The following AGRN variants were observed in gnomAD, a reference collection of about 807,000 sequenced individuals.
AGRN encodes the protein agrin proteoglycan.
In AGRN, 106 loss-of-function variants were observed where a neutral mutation model predicts 211.0. The observed-to-expected ratio is 0.50, with a 90% CI of 0.43 to 0.59. The LOEUF is 0.59. AGRN is among the 20% of genes least tolerant of loss of function. The pLI, the probability that AGRN is intolerant of heterozygous loss-of-function variation, is 0.00. For missense variants in AGRN, 3,040 were observed against 2,982.6 expected, an observed-to-expected ratio of 1.02 and a Z score of -0.45; for synonymous variants, 1,525 against 1,332.5, an observed-to-expected ratio of 1.14 and a Z score of -3.15.
Position 1,046,552 on chromosome 1 carries a change from C to A in AGRN, c.3067C>A (p.Arg1023=), listed in dbSNP as rs769541558. 3.1e-6 allele frequency: 5 copies of A among 1,609,458 alleles called. No individual in the cohort carries two copies. Among genetic ancestry groups the A allele is most frequent in the Non-Finnish European group, 4.2e-6 (5 of 1,179,090 alleles). ...HSQTTPPPSS[R]PRTTASVPRT... The stretch of plus-strand genomic sequence containing the variant: ...CCAGACCACCCCTCCGCCCTCATCA[C>A]GACCTCGGACCACTGCCAGCGTCCC... Residue 1023 remains arginine (R), a synonymous_variant, in exon 18 of 36, where the codon CGA becomes AGA. Coordinates refer to ENST00000379370, the MANE Select transcript of AGRN (RefSeq NM_198576.4).
chr1:1,022,534 GT>G, intron 2 of AGRN, 72 bp downstream of exon 2: 1 of 1,516,564 alleles, frequency 6.6e-7, no homozygotes, highest in Non-Finnish European at 8.9e-7. Flanking sequence ...GGTTGCAGGG[GT>G]CGCTGTGCGG....
chr1:1,054,196 T>G lies in AGRN; in HGVS notation c.5876+219T>G, dbSNP rs568410319. The stretch of plus-strand genomic sequence containing the variant: ...AGGCATCCCGGCCCTGCCCGGAGCC[T>G]GCCGGGGGTCGCTCCAGTCTGAGCC... On this transcript the variant is annotated intron_variant, in intron 34 of 35. Transcript: ENST00000379370. Among the ~76,000 whole-genome samples the G allele has an allele frequency of 2.1e-4, 32 of 152,294 alleles. 1 individual carries two copies. The South Asian group carries it at 6.4e-3, about 31-fold the overall frequency.
At chr1:1,053,694 C>G (rs1018238323) in intron 33 of AGRN, 59 bp from the exon 34 acceptor site, 150 of 1,502,698 alleles carry the variant, frequency 1.0e-4, no homozygotes, top group Non-Finnish European at 1.7e-5. Flanking sequence ...CCTCCCGCCT[C>G]CCCCACCCTG....
At chr1:1,049,820 G>C (rs1645222725) in intron 26 of AGRN, 25 bp downstream of exon 26, 1 of 1,607,938 alleles carries the variant, frequency 6.2e-7, no homozygotes, top group African/African-American at 1.3e-5. Flanking sequence ...GGGGCGGGTG[G>C]GAGTGGGACC....
intron 1 of AGRN, among the ~76,000 whole-genome samples, 191 bp downstream of exon 1, chr1:1,020,564 C>T (rs985337049): frequency 2.0e-5 from 3 of 152,022 alleles, no homozygotes; most frequent in Non-Finnish European, 4.4e-5. Flanking sequence ...AGTTGCTGCG[C>T]CGCCGCCGTC....
In AGRN at chr1:1,048,300, G is replaced by T. The variant is rs868486470; in HGVS notation, c.4040G>T (p.Trp1347Leu). Residue 1347 changes from tryptophan (W) to leucine (L), a missense_variant, in exon 23 of 36, where the codon TGG becomes TTG. Physicochemically the swap from Trp to Leu is moderately conservative, Grantham distance 61. This residue lies in a region of AGRN where 1,537 missense variants were observed against 1,505.0 expected (regional missense o/e 1.02). Coordinates refer to ENST00000379370, the MANE Select transcript of AGRN (RefSeq NM_198576.4). This position sits in a 1 kb window ranked among gnomAD's most constrained non-coding sequence, Gnocchi z 5.9. ...TTCCACGGGGGGACCTGCCAGGACTGGGCATTGGGCGGGGGCTTCACCTGC... is the reference window on the plus strand; with the variant it reads ...TTCCACGGGGGGACCTGCCAGGACTTGGCATTGGGCGGGGGCTTCACCTGC... ...PCFHGGTCQDWALGGGFTCSC... is the reference protein window; with the variant it reads ...PCFHGGTCQDLALGGGFTCSC... The T allele has an allele frequency of 6.6e-7, 1 of 1,506,024 alleles. No homozygotes were observed. The highest frequency in any genetic ancestry group is 2.4e-5 in the East Asian group (1 of 41,332). 93.3% of individuals were successfully genotyped at this position (1,506,024 alleles called of 1,614,324 possible). A position where few individuals can be genotyped will look rare whatever the true frequency, so the allele number is the denominator to read the frequency against.
chr1:1,054,021 C>T (rs1285877167), intron 34 of AGRN, 44 bp downstream of exon 34: 13 of 1,536,692 alleles, frequency 8.5e-6, no homozygotes, highest in Non-Finnish European at 1.1e-5. Context: ...GCGAGGGCTG[C>T]CCAGACTTGC....
intron 30 of AGRN, 108 bp downstream of exon 30, chr1:1,050,945 T>C (rs545961717): frequency 6.5e-7 from 1 of 1,545,618 alleles, no homozygotes. Context: ...TGTCCTGTTC[T>C]CTTGGCCGCC....
At chr1:1,051,171 G>C in intron 30 of AGRN, 82 bp from the exon 31 acceptor site, 1 of 1,510,730 alleles carries the variant, frequency 6.6e-7, no homozygotes, top group Non-Finnish European at 9.0e-7. Context: ...TGGGCGGGTG[G>C]GGCGGGTGCG....
Position 1,049,437 on chromosome 1 carries a change from G to T in AGRN, c.4500G>T (p.Glu1500Asp). The change falls in exon 25 of 36, where the codon GAG (glutamate) becomes GAT (aspartate). Residue 1500 changes from glutamate to aspartate, a missense_variant. This residue lies in a region of AGRN where 1,537 missense variants were observed against 1,505.0 expected (regional missense o/e 1.02). Coordinates refer to ENST00000379370, the MANE Select transcript of AGRN (RefSeq NM_198576.4). ...DTDLFVGGVP[E>D]DQAAVALERT... is the part of the protein sequence containing the mutation. ...ACCTCTTTGTGGGCGGCGTACCCGA[G>T]GACCAGGCTGCCGTGTGAGTCCCTT... 2.5e-6 allele frequency: 4 copies of T among 1,599,622 alleles called. No individual in the cohort carries two copies. Among genetic ancestry groups the T allele is most frequent in the Non-Finnish European group, 3.4e-6 (4 of 1,179,716 alleles).
rs754589897 is a variant in AGRN at position 1,051,566 on chromosome 1, T to C, written c.5484T>C (p.Asn1828=). The change falls in exon 32 of 36, where the codon AAT becomes AAC. Residue 1828 remains asparagine (N), a synonymous_variant. Coordinates refer to ENST00000379370, the MANE Select transcript of AGRN (RefSeq NM_198576.4). ...GGGCCTCAGGCCACCCCTGCCTCAA[T>C]GGGGCCTCCTGCGTCCCGAGGGAGG... ...CTRASGHPCL[N]GASCVPREAA... 2.5e-6 allele frequency: 4 copies of C among 1,589,924 alleles called. No homozygotes were observed. The highest frequency in any genetic ancestry group is 3.4e-6 in the Non-Finnish European group (4 of 1,166,928).
At position 1,043,255 on chromosome 1, in the gene AGRN, A is replaced by T. The variant is rs763998310; in HGVS notation, c.1401A>T (p.Pro467=). 1 of 1,608,340 alleles carries T rather than the reference A, an allele frequency of 6.2e-7. No homozygotes were observed. The change falls in exon 8 of 36, where the codon CCA becomes CCT. Residue 467 remains proline, a synonymous_variant. Coordinates refer to ENST00000379370, the MANE Select transcript of AGRN (RefSeq NM_198576.4). ...CCTTCCCAGACCAGGCCCCGTCCCC[A>T]TGCCTCGGGGTGCAGTGTGCATTTG... ...HQGPCDQAPS[P]CLGVQCAFGA... is the part of the protein sequence containing the mutation.
In AGRN at chr1:1,022,250, G is replaced by C. The variant is rs755100104; in HGVS notation, c.251G>C (p.Ser84Thr). Reference protein sequence around the residue: ...LKGKDLVARESLLDGGNKVVI... With the variant: ...LKGKDLVARETLLDGGNKVVI... Reference sequence around the variant, plus strand: ...GGCAAAGACCTGGTGGCCCGGGAGAGCCTGCTGGACGGCGGCAACAAGGTG... The same window carrying C: ...GGCAAAGACCTGGTGGCCCGGGAGACCCTGCTGGACGGCGGCAACAAGGTG... Residue 84 changes from serine (S) to threonine (T), a missense_variant, in exon 2 of 36, where the codon AGC becomes ACC. Coordinates refer to ENST00000379370, the MANE Select transcript of AGRN (RefSeq NM_198576.4). 1.2e-6 allele frequency: 2 copies of C among 1,613,074 alleles called. No individual in the cohort carries two copies. Among genetic ancestry groups the C allele is most frequent in the Middle Eastern group, 1.6e-4 (1 of 6,084 alleles).
chr1:1,035,664 A>G (rs567260309), intron 3 of AGRN, among the ~76,000 whole-genome samples: 4 of 152,276 alleles, frequency 2.6e-5, no homozygotes, highest in South Asian at 2.1e-4. Context: ...GCTCCGCTCT[A>G]TTGTCCTCCC....
intron 2 of AGRN, 111 bp downstream of exon 2, chr1:1,022,573 C>A: frequency 1.4e-6 from 1 of 725,784 alleles, no homozygotes; most frequent in Non-Finnish European, 1.9e-6. Flanking sequence ...CCGGAGGCTG[C>A]AGCACACGGT....
chr1:1,052,938 A>T (rs572090255), intron 33 of AGRN: 1 of 161,954 alleles, frequency 6.2e-6, no homozygotes, highest in South Asian at 1.7e-4. Context: ...ATATGGGGGG[A>T]TATGTAGATG....
chr1:1,047,179 C>T, intron 19 of AGRN, 148 bp from the exon 20 acceptor site: 4 of 1,400,452 alleles, frequency 2.9e-6, no homozygotes, highest in Non-Finnish European at 3.8e-6. Context: ...GACACCAGCC[C>T]CACCCTGGGG....
chr1:1,020,831 G>A (rs987677138), intron 1 of AGRN, among the ~76,000 whole-genome samples: 4 of 147,974 alleles, frequency 2.7e-5, no homozygotes, highest in Admixed American at 6.8e-5. Context: ...GCCAGGTGGG[G>A]GGTGCCGCAG....
At chr1:1,051,185 A>C (rs550647549) in intron 30 of AGRN, 68 bp from the exon 31 acceptor site, 2 of 1,531,376 alleles carry the variant, frequency 1.3e-6, no homozygotes, top group South Asian at 2.4e-5. Flanking sequence ...GGGTGCGTGC[A>C]GGTGCCTGGG....
Sources: gnomAD v4.1 joint callset for allele counts (sites outside exome capture counted in the v4.1 genomes callset) on GRCh38, gnomAD v4.1.1 for gene constraint, gnomAD v4.1.1 regional missense constraint, Gnocchi (gnomAD v3.1) non-coding constraint, MANE v1.5 for transcripts, NCBI Gene and HGNC (gene_info 2026-07-23, HGNC 2026-07-21) for gene names.